SERGEF: variants seen among roughly 807,000 people sequenced by gnomAD.
SERGEF encodes the protein secretion regulating guanine nucleotide exchange factor, also known as secretion-regulating guanine nucleotide exchange factor.
In SERGEF, 51 loss-of-function variants were observed where a neutral mutation model predicts 50.0. The observed-to-expected ratio is 1.02, with a 90% CI of 0.81 to 1.29. SERGEF has a LOEUF of 1.29. Among genes scored for constraint, SERGEF ranks in the 50% most tolerant of loss-of-function variants. SERGEF has a pLI of 0.00. For missense variants in SERGEF, 521 were observed against 557.0 expected, an observed-to-expected ratio of 0.94 and a Z score of 0.65; for synonymous variants, 205 against 212.4, an observed-to-expected ratio of 0.97 and a Z score of 0.30.
intron 9 of SERGEF, among the ~76,000 whole-genome samples, chr11:17,926,229 A>T (rs1783720363): frequency 6.6e-6 from 1 of 152,042 alleles, no homozygotes; most frequent in African/African-American, 2.4e-5. Context: ...ATATCTAACG[A>T]CATCTCAGCC....
At chr11:17,940,666 C>T (rs1057514953) in intron 9 of SERGEF, among the ~76,000 whole-genome samples, 4 of 152,124 alleles carry the variant, frequency 2.6e-5, no homozygotes, top group South Asian at 2.1e-4. Context: ...CTTTAACTCC[C>T]AGGCTCAAGA....
At chr11:17,799,599 G>T (rs1849629269) in intron 10 of SERGEF, among the ~76,000 whole-genome samples, 1 of 152,208 alleles carries the variant, frequency 6.6e-6, no homozygotes, top group South Asian at 2.1e-4. Context: ...GCCTGTTTGG[G>T]AATCACCAGT....
At position 17,930,236 on chromosome 11, in the gene SERGEF, C is replaced by T. The variant is rs559981924; in HGVS notation, c.1011+29234G>A. Among the ~76,000 whole-genome samples, 15 of 152,314 alleles carry T rather than the reference C, an allele frequency of 9.8e-5. 1 individual carries two copies. In the South Asian group the frequency reaches 3.1e-3, roughly 32 times the overall value. ...CATGATGTGGGTAAAGTAACTGGCA[C>T]AAAATAGATGCTCAACAAATGTTAT... On this transcript the variant is annotated intron_variant, in intron 9 of 10. Transcript: ENST00000265965.
chr11:17,863,607 TATTCATTCATTC>T (rs150695737), intron 10 of SERGEF: 2 of 152,118 alleles, frequency 1.3e-5, no homozygotes, highest in Non-Finnish European at 2.9e-5. Flanking sequence ...GTCTGCTTTG[TATTCATTCATTC>T]ATTCATTCAT....
chr11:17,979,894 C>T (rs916444688), intron 8 of SERGEF, among the ~76,000 whole-genome samples: 11 of 152,198 alleles, frequency 7.2e-5, no homozygotes. Flanking sequence ...TCTTCACCTG[C>T]AGACACAGCC....
intron 10 of SERGEF, among the ~76,000 whole-genome samples, chr11:17,841,114 A>T (rs1207215318): frequency 1.3e-5 from 2 of 152,118 alleles, no homozygotes; most frequent in African/African-American, 4.8e-5. Context: ...GAAGCAAACC[A>T]TGAGTCCTCA....
chr11:17,924,287 T>C (rs775524442), intron 9 of SERGEF, among the ~76,000 whole-genome samples: 1 of 152,220 alleles, frequency 6.6e-6, no homozygotes, highest in African/African-American at 2.4e-5. Flanking sequence ...CCTTGGCATA[T>C]ATAGAAAACT....
intron 9 of SERGEF, among the ~76,000 whole-genome samples, chr11:17,928,637 C>A (rs1344234318): frequency 6.6e-6 from 1 of 151,648 alleles, no homozygotes; most frequent in East Asian, 1.9e-4. Context: ...GAAAAAAAAA[C>A]AATAAAGAAA....
At chr11:17,913,780 T>G (rs1428906455) in intron 9 of SERGEF, among the ~76,000 whole-genome samples, 1 of 151,784 alleles carries the variant, frequency 6.6e-6, no homozygotes, top group African/African-American at 2.4e-5. Flanking sequence ...TAGGCAGCCC[T>G]CACACAGCCT....
intron 3 of SERGEF, among the ~76,000 whole-genome samples, chr11:18,005,498 C>T (rs577977766): frequency 2.6e-4 from 40 of 152,124 alleles, no homozygotes; most frequent in Non-Finnish European, 4.6e-4. Flanking sequence ...AGCTAGGGAA[C>T]AGTTACAGAA....
chr11:18,001,145 G>T (rs12292490), intron 4 of SERGEF, among the ~76,000 whole-genome samples: 48,553 of 152,036 alleles, frequency 0.32, 9,254 homozygotes, highest in East Asian at 0.49. Flanking sequence ...TCTTTAGGTG[G>T]AACCAAACCT....
At chr11:17,822,168 A>G (rs1385011631) in intron 10 of SERGEF, among the ~76,000 whole-genome samples, 3 of 152,194 alleles carry the variant, frequency 2.0e-5, no homozygotes, top group African/African-American at 7.2e-5. Context: ...TGAGCAAGCA[A>G]CATTTCATCA....
At chr11:17,871,913 T>C (rs1851144150) in intron 10 of SERGEF, among the ~76,000 whole-genome samples, 1 of 152,206 alleles carries the variant, frequency 6.6e-6, no homozygotes, top group South Asian at 2.1e-4. Flanking sequence ...CTAGAATTCC[T>C]AGTCTTAATC....
intron 10 of SERGEF, among the ~76,000 whole-genome samples, chr11:17,824,210 A>T (rs1449733860): frequency 6.6e-6 from 1 of 151,980 alleles, no homozygotes; most frequent in Non-Finnish European, 1.5e-5. Flanking sequence ...CTGAGGCAGG[A>T]GAATGGCGTG....
chr11:17,957,738 GA>G lies in SERGEF; in HGVS notation c.1011+1731del, dbSNP rs201005017. Reference sequence around the variant, plus strand: ...TTCAACAGAGATTCACTAGTGGTGGGAAAAAAAAAAAAAAAGGATGATCTAA... The same window carrying G: ...TTCAACAGAGATTCACTAGTGGTGGGAAAAAAAAAAAAAAGGATGATCTAA... On this transcript the variant is annotated intron_variant, in intron 9 of 10. Transcript: ENST00000265965. Among the ~76,000 whole-genome samples, 940 of 134,766 alleles carry G rather than the reference GA, an allele frequency of 7.0e-3. 4 individuals carry two copies. The highest frequency in any genetic ancestry group is 0.01 in the African/African-American group (361 of 36,094). The allele number at this position is 134,766 out of a possible 152,430, so 88.4% of individuals were successfully genotyped here.
intron 9 of SERGEF, among the ~76,000 whole-genome samples, chr11:17,883,721 G>A (rs1431329186): frequency 6.6e-6 from 1 of 152,156 alleles, no homozygotes; most frequent in Non-Finnish European, 1.5e-5. Context: ...CCCAGTGCCA[G>A]GGACGTAAGC....
intron 10 of SERGEF, among the ~76,000 whole-genome samples, chr11:17,870,129 T>C (rs1851109972): frequency 1.3e-5 from 2 of 152,204 alleles, no homozygotes; most frequent in Non-Finnish European, 1.5e-5. Flanking sequence ...CCTGCCACCT[T>C]GTGAAGAAGG....
chr11:18,002,540 C>T (rs969494389), intron 4 of SERGEF, among the ~76,000 whole-genome samples: 1 of 152,168 alleles, frequency 6.6e-6, no homozygotes, highest in African/African-American at 2.4e-5. Context: ...TCTTTTGCAC[C>T]CACTCTGAGC....
intron 10 of SERGEF, among the ~76,000 whole-genome samples, chr11:17,835,500 T>C (rs1373741018): frequency 6.6e-6 from 1 of 152,214 alleles, no homozygotes. Flanking sequence ...TTATTCTCTG[T>C]CCATCTGGGT....
Sources: allele counts gnomAD v4.1 joint callset (sites outside exome capture counted in the v4.1 genomes callset), GRCh38; gene constraint gnomAD v4.1.1; transcripts MANE v1.5; gene names NCBI Gene and HGNC (gene_info 2026-07-23, HGNC 2026-07-21).